Variants in SBNO1 observed in about 807,000 individuals in gnomAD.
SBNO1 encodes strawberry notch homolog 1, also known as protein strawberry notch homolog 1.
Under a neutral mutation model 173.6 loss-of-function variants are expected in SBNO1, and 23 were observed. That is an observed-to-expected ratio of 0.13 (90% CI 0.10 to 0.19). The LOEUF is 0.19. Ranked by LOEUF, SBNO1 falls within the 10% of genes least tolerant of loss-of-function variation. SBNO1 has a pLI of 1.00. For missense variants in SBNO1, 1,238 were observed against 1,671.2 expected (o/e 0.74, Z 4.52); for synonymous variants, 632 against 571.5 (o/e 1.11, Z -1.51).
At chr12:123,304,997 C>T (rs1341108791) in intron 28 of SBNO1, among the ~76,000 whole-genome samples, 3 of 152,184 alleles carry the variant, frequency 2.0e-5, no homozygotes, top group Non-Finnish European at 4.4e-5. Context: ...AAATGTCCAA[C>T]ACAGATCATT....
At chr12:123,311,881 G>A (rs988079200) in intron 24 of SBNO1, among the ~76,000 whole-genome samples, 5 of 150,540 alleles carry the variant, frequency 3.3e-5, no homozygotes, top group East Asian at 2.0e-4. Flanking sequence ...AACTACAGGC[G>A]TGCACCACCG....
Position 123,345,606 on chromosome 12 carries a change from G to C in SBNO1, c.238-36C>G, listed in dbSNP as rs770856813. 7 of 1,557,096 alleles carry C rather than the reference G, an allele frequency of 4.5e-6. No homozygotes were observed. In the South Asian group the frequency reaches 8.0e-5, roughly 18 times the overall value. On this transcript the variant is annotated intron_variant, in intron 3 of 31. Coordinates refer to ENST00000602398, the MANE Select transcript of SBNO1 (RefSeq NM_001167856.3). ...AACAAAAAACACACCACTGAAAAATGCTTCATTCTCTAATGAAGCTTATAT... is the reference window on the plus strand; with the variant it reads ...AACAAAAAACACACCACTGAAAAATCCTTCATTCTCTAATGAAGCTTATAT...
chr12:123,313,021 G>A (rs963518754), intron 24 of SBNO1, among the ~76,000 whole-genome samples: 2 of 151,776 alleles, frequency 1.3e-5, no homozygotes, highest in East Asian at 1.9e-4. Flanking sequence ...TGGCCAACAT[G>A]GTGCAACGCC....
intron 3 of SBNO1, among the ~76,000 whole-genome samples, chr12:123,347,251 G>A (rs1873285433): frequency 6.6e-6 from 1 of 151,916 alleles, no homozygotes; most frequent in Non-Finnish European, 1.5e-5. Context: ...TGTTGAGACA[G>A]AGTCTCGCTC....
chr12:123,343,537 C>CTTT (rs58841947), intron 4 of SBNO1, among the ~76,000 whole-genome samples: 14 of 135,490 alleles, frequency 1.0e-4, no homozygotes, highest in Non-Finnish European at 2.1e-4. Context: ...CACTTACCAT[C>CTTT]TTTTTTTTTT....
At chr12:123,331,428 CA>C in intron 7 of SBNO1, 53 bp from the exon 8 acceptor site, 1 of 1,567,664 alleles carries the variant, frequency 6.4e-7, no homozygotes, top group Non-Finnish European at 8.7e-7. Flanking sequence ...TTTTGGTGAT[CA>C]ATCTTTCATA....
At chr12:123,308,779 C>T (rs1280084402) in intron 28 of SBNO1, among the ~76,000 whole-genome samples, 1 of 152,040 alleles carries the variant, frequency 6.6e-6, no homozygotes, top group Non-Finnish European at 1.5e-5. Flanking sequence ...ACCAGCCTGG[C>T]CAACATGGTG....
rs999443202 is a variant in SBNO1, at chr12:123,293,082, C to A, written c.*2826G>T. The stretch of plus-strand genomic sequence containing the variant: ...ACACGAACATGATTTCCAACCAAAT[C>A]TTTGTGCTCAGAGCCATATTGCTAA... On this transcript the variant is annotated 3_prime_UTR_variant, in exon 32 of 32. Transcript: ENST00000602398. The A allele has an allele frequency of 6.6e-6, 1 of 152,178 alleles. No homozygotes were observed. The highest frequency in any genetic ancestry group is 2.4e-5 in the African/African-American group (1 of 41,448). 9.4% of individuals were successfully genotyped at this position (152,178 alleles called of 1,614,324 possible). A position where few individuals can be genotyped will look rare whatever the true frequency, so the allele number is the denominator to read the frequency against.
chr12:123,351,373 C>T (rs532337073), intron 1 of SBNO1, among the ~76,000 whole-genome samples: 1 of 152,234 alleles, frequency 6.6e-6, no homozygotes, highest in African/African-American at 2.4e-5. Flanking sequence ...CACTGTGGCT[C>T]AAGTCTGTAA....
chr12:123,347,063 G>C (rs1873245750), intron 3 of SBNO1, among the ~76,000 whole-genome samples: 2 of 135,816 alleles, frequency 1.5e-5, no homozygotes, highest in Non-Finnish European at 3.2e-5. Context: ...GGGCGACAAA[G>C]CGAGTCTCCG....
intron 10 of SBNO1, 101 bp from the exon 11 acceptor site, chr12:123,328,128 G>T: frequency 1.1e-6 from 1 of 913,252 alleles, no homozygotes; most frequent in Non-Finnish European, 1.6e-6. Flanking sequence ...CCTTCTGATT[G>T]CCTATTTCAT....
intron 28 of SBNO1, among the ~76,000 whole-genome samples, chr12:123,307,870 G>A (rs1325390572): frequency 6.6e-6 from 1 of 152,180 alleles, no homozygotes; most frequent in African/African-American, 2.4e-5. Flanking sequence ...TCAGGAGATC[G>A]AGGCCATCCT....
chr12:123,299,014 G>A (rs1360568580), intron 30 of SBNO1, among the ~76,000 whole-genome samples: 6 of 151,970 alleles, frequency 3.9e-5, no homozygotes, highest in African/African-American at 1.4e-4. Context: ...CTTGAGACCA[G>A]GAGTTTGAGA....
chr12:123,302,646 ATAAAC>A (rs756195544), intron 30 of SBNO1, among the ~76,000 whole-genome samples, 173 bp downstream of exon 30: 15 of 152,222 alleles, frequency 9.9e-5, no homozygotes, highest in Non-Finnish European at 1.5e-4. Context: ...AAGGAGGTAC[ATAAAC>A]TAAACAGTTT....
intron 1 of SBNO1, among the ~76,000 whole-genome samples, chr12:123,359,097 T>A (rs1874816072): frequency 6.6e-6 from 1 of 151,766 alleles, no homozygotes; most frequent in African/African-American, 2.4e-5. Flanking sequence ...CATACTCAGC[T>A]AATTTTTTTG....
chr12:123,290,017 G>C lies in SBNO1; in HGVS notation c.*5891C>G, dbSNP rs568314994. 6.6e-6 allele frequency: 1 copy of C among 152,294 alleles called. No homozygotes were observed. Among genetic ancestry groups the C allele is most frequent in the Non-Finnish European group, 1.5e-5 (1 of 68,074 alleles). 9.4% of individuals were successfully genotyped at this position (152,294 alleles called of 1,614,324 possible). ...GGGCCTGCAGAGTGGCCTTCACTCT[G>C]GAGGACGCCTGAATTACAAGTATCA... On this transcript the variant is annotated 3_prime_UTR_variant, in exon 32 of 32. Coordinates refer to ENST00000602398, the MANE Select transcript of SBNO1 (RefSeq NM_001167856.3).
At chr12:123,319,085 T>C (rs1472122519) in intron 20 of SBNO1, among the ~76,000 whole-genome samples, 1 of 150,840 alleles carries the variant, frequency 6.6e-6, no homozygotes, top group East Asian at 2.0e-4. Context: ...TCCCTCAGCC[T>C]CCTGAGTAGC....
intron 1 of SBNO1, among the ~76,000 whole-genome samples, chr12:123,352,761 G>A (rs1367443481): frequency 6.6e-6 from 1 of 152,192 alleles, no homozygotes; most frequent in Non-Finnish European, 1.5e-5. Flanking sequence ...AAAGAGGGCA[G>A]ACCACTGTGT....
intron 3 of SBNO1, among the ~76,000 whole-genome samples, chr12:123,347,786 T>C (rs1873381131): frequency 6.6e-6 from 1 of 152,066 alleles, no homozygotes; most frequent in Admixed American, 6.6e-5. Flanking sequence ...CCACCCACCT[T>C]GGCCTCCCAA....
Sources: gnomAD v4.1 joint callset for allele counts (sites outside exome capture counted in the v4.1 genomes callset) on GRCh38, gnomAD v4.1.1 for gene constraint, MANE v1.5 for transcripts, NCBI Gene and HGNC (gene_info 2026-07-23, HGNC 2026-07-21) for gene names.